Variants in LURAP1 observed in about 807,000 individuals in gnomAD.
LURAP1 encodes NF-kappa-B activator C1orf190.
A neutral mutation model predicts 19.0 loss-of-function variants in LURAP1; 14 were observed. The ratio of observed to expected loss-of-function variants is 0.74; its 90% CI spans 0.49 to 1.15. LURAP1 has a LOEUF of 1.15. LURAP1 is among the 50% of genes most tolerant of loss of function. The probability of loss-of-function intolerance (pLI) is 0.00; values close to 1 mark genes in which losing one functional copy is unlikely to be tolerated. For synonymous variants in LURAP1, 129 were observed against 131.8 expected (o/e 0.98, Z 0.14); for missense variants, 273 against 309.1 (o/e 0.88, Z 0.87).
rs778488003 is a variant in LURAP1, at chr1:46,204,361, C to T, written c.198+737C>T. 2.6e-4 allele frequency among the ~76,000 whole-genome samples: 40 copies of T among 152,308 alleles called. 1 individual carries two copies. In the Middle Eastern group the frequency reaches 0.034, roughly 130 times the overall value. ...TTCTCTATTGCTGCTGGTCTAGATT[C>T]AGAGCCAAAAGGGCAGCCGAGGCCC... On this transcript the variant is annotated intron_variant, in intron 1 of 1. Coordinates refer to ENST00000371980, the MANE Select transcript of LURAP1 (RefSeq NM_001013615.3).
Position 46,219,859 on chromosome 1 carries a change from G to T in LURAP1, c.359G>T (p.Gly120Val). Residue 120 changes from glycine (G) to valine (V), a missense_variant, in exon 2 of 2, where the codon GGC becomes GTC. By Grantham distance (109) the Gly-to-Val change is moderately radical. Coordinates refer to ENST00000371980, the MANE Select transcript of LURAP1 (RefSeq NM_001013615.3). ...SQYSLTGGSP[G>V]RSRRGSWDSL... ...TATAGCCTGACAGGCGGGAGCCCAG[G>T]CCGCTCAAGGCGAGGCAGCTGGGAC... 1.9e-6 allele frequency: 3 copies of T among 1,613,928 alleles called. No homozygotes were observed. The highest frequency in any genetic ancestry group is 2.5e-6 in the Non-Finnish European group (3 of 1,179,906).
rs767300672 is a variant in LURAP1, at chr1:46,203,390, C to T, written c.-37C>T. ...AGGACCCCCGGGAGCCGGTCCCCGG[C>T]GTCCGGTCGCCCAGCCCTTTTCAGG... is the stretch of plus-strand genomic sequence containing the variant. On this transcript the variant is annotated 5_prime_UTR_variant, in exon 1 of 2. Coordinates refer to ENST00000371980, the MANE Select transcript of LURAP1 (RefSeq NM_001013615.3). 2 of 1,431,808 alleles carry T rather than the reference C, an allele frequency of 1.4e-6. No individual in the cohort carries two copies. Among genetic ancestry groups the T allele is most frequent in the Non-Finnish European group, 1.8e-6 (2 of 1,088,470 alleles). 88.7% of individuals were successfully genotyped at this position (1,431,808 alleles called of 1,614,324 possible). A position where few individuals can be genotyped will look rare whatever the true frequency, so the allele number is the denominator to read the frequency against.
At position 46,219,896 on chromosome 1, in the gene LURAP1, C is replaced by T. The variant is rs760853103; in HGVS notation, c.396C>T (p.Asp132=). The T allele has an allele frequency of 3.8e-5, 62 of 1,613,766 alleles. 2 individuals are homozygous for T. The South Asian group carries it at 5.4e-4, about 14-fold the overall frequency. ...SRRGSWDSLP[D]TSTTDRLDSV... Reference sequence around the variant, plus strand: ...GAGGCAGCTGGGACAGCCTGCCAGACACCAGCACCACCGACCGGCTGGACA... The same window carrying T: ...GAGGCAGCTGGGACAGCCTGCCAGATACCAGCACCACCGACCGGCTGGACA... Residue 132 remains aspartate (D), a synonymous_variant, in exon 2 of 2, where the codon GAC becomes GAT. Coordinates refer to ENST00000371980, the MANE Select transcript of LURAP1 (RefSeq NM_001013615.3).
chr1:46,206,906 AG>A (rs1557683130), intron 1 of LURAP1, among the ~76,000 whole-genome samples: 1 of 152,164 alleles, frequency 6.6e-6, no homozygotes, highest in Non-Finnish European at 1.5e-5. Flanking sequence ...GAACATTTCT[AG>A]TACAGGATGA....
intron 1 of LURAP1, among the ~76,000 whole-genome samples, chr1:46,216,831 C>T (rs1212994575): frequency 6.6e-6 from 1 of 152,152 alleles, no homozygotes; most frequent in Non-Finnish European, 1.5e-5. Flanking sequence ...TCTATCATTA[C>T]CATCTTTATG....
chr1:46,207,621 C>T (rs1258382769), intron 1 of LURAP1, among the ~76,000 whole-genome samples: 1 of 151,614 alleles, frequency 6.6e-6, no homozygotes, highest in African/African-American at 2.4e-5. Flanking sequence ...TCACTGCAAG[C>T]TCCGCCTCCT....
At chr1:46,205,580 C>G (rs567919066) in intron 1 of LURAP1, among the ~76,000 whole-genome samples, 1 of 152,348 alleles carries the variant, frequency 6.6e-6, no homozygotes, top group Admixed American at 6.5e-5. Context: ...GTCTCTGGCT[C>G]TCTTCTCTGC....
chr1:46,220,318 C>A lies in LURAP1; in HGVS notation c.*98C>A. 1 of 1,309,180 alleles carries A rather than the reference C, an allele frequency of 7.6e-7. No homozygotes were observed. The highest frequency in any genetic ancestry group is 1.0e-6 in the Non-Finnish European group (1 of 959,846). 81.1% of individuals were successfully genotyped at this position (1,309,180 alleles called of 1,614,324 possible). On this transcript the variant is annotated 3_prime_UTR_variant, in exon 2 of 2. Transcript: ENST00000371980. Reference sequence around the variant, plus strand: ...CCCTCAGTCTGAGACTAGGAAGAGGCTGCACTGAAATCAGTTACCATGGAA... The same window carrying A: ...CCCTCAGTCTGAGACTAGGAAGAGGATGCACTGAAATCAGTTACCATGGAA...
At position 46,203,540 on chromosome 1, in the gene LURAP1, A is replaced by G; in HGVS notation, c.114A>G (p.Gly38=). 1 of 1,567,532 alleles carries G rather than the reference A, an allele frequency of 6.4e-7. No individual in the cohort carries two copies. Among genetic ancestry groups the G allele is most frequent in the Non-Finnish European group, 8.6e-7 (1 of 1,159,820 alleles). The change falls in exon 1 of 2, where the codon GGA becomes GGG. Residue 38 remains glycine (G), a synonymous_variant. Transcript: ENST00000371980. ...LRGLRGECEL[G]TSGALLLPGA... The stretch of plus-strand genomic sequence containing the variant: ...GGCTGCGAGGCGAGTGTGAGCTGGG[A>G]ACCTCTGGCGCCCTGCTGCTCCCAG...
In LURAP1 at chr1:46,203,487, A is replaced by G; in HGVS notation, c.61A>G (p.Arg21Gly). Residue 21 changes from arginine (R) to glycine (G), a missense_variant, in exon 1 of 2, where the codon AGG becomes GGG. Physicochemically the swap from Arg to Gly is moderately radical, Grantham distance 125. Coordinates refer to ENST00000371980, the MANE Select transcript of LURAP1 (RefSeq NM_001013615.3). The part of the protein sequence containing the change: ...DLRDVEGKVG[R>G]KTPEGLLRGL... ...GCGGGATGTGGAGGGTAAGGTGGGC[A>G]GGAAGACCCCTGAAGGGCTGCTCCG... The G allele has an allele frequency of 1.3e-6, 2 of 1,534,018 alleles. No individual in the cohort carries two copies. The highest frequency in any genetic ancestry group is 2.0e-5 in the Admixed American group (1 of 48,808).
chr1:46,215,225 CAA>C (rs35554687), intron 1 of LURAP1, among the ~76,000 whole-genome samples: 38 of 75,586 alleles, frequency 5.0e-4, no homozygotes, highest in Middle Eastern at 8.5e-3. Context: ...AACTCTGTCT[CAA>C]AAAAAAAAAA....
At chr1:46,211,787 C>T (rs548078455) in intron 1 of LURAP1, among the ~76,000 whole-genome samples, 9 of 152,080 alleles carry the variant, frequency 5.9e-5, no homozygotes, top group Admixed American at 2.0e-4. Flanking sequence ...TTTTTTGAGA[C>T]GGAGTCTTGC....
chr1:46,203,403 A>C lies in LURAP1; in HGVS notation c.-24A>C. On this transcript the variant is annotated 5_prime_UTR_variant, in exon 1 of 2. Coordinates refer to ENST00000371980, the MANE Select transcript of LURAP1 (RefSeq NM_001013615.3). ...GCCGGTCCCCGGCGTCCGGTCGCCC[A>C]GCCCTTTTCAGGCTTGGGCCCGCAT... The C allele has an allele frequency of 2.8e-6, 4 of 1,437,666 alleles. No homozygotes were observed. Among genetic ancestry groups the C allele is most frequent in the African/African-American group, 1.5e-5 (1 of 67,346 alleles). The allele number at this position is 1,437,666 out of a possible 1,614,324, so 89.1% of individuals were successfully genotyped here.
chr1:46,211,183 A>G (rs1262839166), intron 1 of LURAP1, among the ~76,000 whole-genome samples: 1 of 152,116 alleles, frequency 6.6e-6, no homozygotes, highest in African/African-American at 2.4e-5. Context: ...AACCCAGCAA[A>G]GCCTGTCTGT....
intron 1 of LURAP1, among the ~76,000 whole-genome samples, chr1:46,215,727 C>G (rs1054122149): frequency 5.3e-5 from 8 of 151,998 alleles, no homozygotes; most frequent in African/African-American, 1.7e-4. Context: ...AGTGAGACCC[C>G]ATCTACAAAA....
chr1:46,220,068 A>C lies in LURAP1; in HGVS notation c.568A>C (p.Thr190Pro). 1.2e-6 allele frequency: 2 copies of C among 1,614,242 alleles called. No individual in the cohort carries two copies. Among genetic ancestry groups the C allele is most frequent in the Non-Finnish European group, 1.7e-6 (2 of 1,180,038 alleles). ...CAGGACTGAGGTGGATGTGGCAGCCACCAGGCTAGGGAGCTTGAGAGCTGT... is the reference window on the plus strand; with the variant it reads ...CAGGACTGAGGTGGATGTGGCAGCCCCCAGGCTAGGGAGCTTGAGAGCTGT... ...RARTEVDVAA[T>P]RLGSLRAVWK... The change falls in exon 2 of 2, where the codon ACC becomes CCC. Residue 190 changes from threonine (T) to proline (P), a missense_variant. Transcript: ENST00000371980.
chr1:46,203,432 G>C lies in LURAP1; in HGVS notation c.6G>C (p.Glu2Asp). 1 of 1,466,786 alleles carries C rather than the reference G, an allele frequency of 6.8e-7. No homozygotes were observed. The highest frequency in any genetic ancestry group is 9.0e-7 in the Non-Finnish European group (1 of 1,108,306). 90.9% of individuals were successfully genotyped at this position (1,466,786 alleles called of 1,614,324 possible). The change falls in exon 1 of 2, where the codon GAG (glutamate) becomes GAC (aspartate). Residue 2 changes from glutamate to aspartate, a missense_variant. Glu to Asp is a conservative substitution (Grantham distance 45). Coordinates refer to ENST00000371980, the MANE Select transcript of LURAP1 (RefSeq NM_001013615.3). ...CTTTTCAGGCTTGGGCCCGCATGGA[G>C]GGGACCGTGGAGTCCCAGACGCCTG... is the stretch of plus-strand genomic sequence containing the variant. M[E>D]GTVESQTPDL...
Position 46,219,926 on chromosome 1 carries a change from C to G in LURAP1, c.426C>G (p.Val142=). The G allele has an allele frequency of 6.2e-7, 1 of 1,614,226 alleles. No individual in the cohort carries two copies. Among genetic ancestry groups the G allele is most frequent in the Non-Finnish European group, 8.5e-7 (1 of 1,180,028 alleles). The part of the protein sequence containing the change: ...DTSTTDRLDS[V]SIGSFLDTVA... ...GCACCACCGACCGGCTGGACAGTGT[C>G]TCTATTGGCAGCTTCCTGGACACAG... The change falls in exon 2 of 2, where the codon GTC becomes GTG. Residue 142 remains valine, a synonymous_variant. Transcript: ENST00000371980.
intron 1 of LURAP1, among the ~76,000 whole-genome samples, chr1:46,217,159 A>T (rs2148252869): frequency 6.6e-6 from 1 of 152,318 alleles, no homozygotes; most frequent in East Asian, 1.9e-4. Flanking sequence ...AGGCAAAGGA[A>T]TTACCAAGAT....
Sources: allele counts gnomAD v4.1 joint callset (sites outside exome capture counted in the v4.1 genomes callset), GRCh38; gene constraint gnomAD v4.1.1; transcripts MANE v1.5; gene names NCBI Gene and HGNC (gene_info 2026-07-23, HGNC 2026-07-21).